PDHX: variants seen among roughly 807,000 people sequenced by gnomAD.
PDHX encodes the protein pyruvate dehydrogenase complex component X.
PDHX carries 33 observed loss-of-function variants against 55.3 expected under a neutral mutation model. The ratio of observed to expected loss-of-function variants is 0.60; its 90% confidence interval spans 0.45 to 0.80. PDHX has a LOEUF of 0.80. Among genes scored for constraint, PDHX ranks in the 30% least tolerant of loss-of-function variants. The pLI, the probability that PDHX is intolerant of heterozygous loss-of-function variation, is 0.00. For missense variants in PDHX, 622 were observed against 619.9 expected, an observed-to-expected ratio of 1.00 and a Z score of -0.04; for synonymous variants, 226 against 219.4, an observed-to-expected ratio of 1.03 and a Z score of -0.27.
chr11:34,945,208 C>T (rs17363135), intron 2 of PDHX, among the ~76,000 whole-genome samples: 32,892 of 152,110 alleles, frequency 0.22, 4,675 homozygotes, highest in Non-Finnish European at 0.33. Context: ...GTTAGCATGC[C>T]TTACCATCTA....
At chr11:34,967,659 A>G (rs1855165807) in intron 6 of PDHX, among the ~76,000 whole-genome samples, 1 of 152,082 alleles carries the variant, frequency 6.6e-6, no homozygotes, top group Admixed American at 6.6e-5. Context: ...TCTTCCTATC[A>G]GAAGAAATGT....
intron 3 of PDHX, 95 bp from the exon 4 acceptor site, chr11:34,957,289 A>G (rs755878878): frequency 2.9e-5 from 26 of 882,656 alleles, no homozygotes; most frequent in Admixed American, 1.6e-4. Context: ...TCAAATTAAG[A>G]TATCTTAAGG....
chr11:34,994,657 T>C (rs1855820869), intron 10 of PDHX, among the ~76,000 whole-genome samples: 1 of 152,234 alleles, frequency 6.6e-6, no homozygotes, highest in Non-Finnish European at 1.5e-5. Flanking sequence ...CGATATAAAA[T>C]GGATTGTTAT....
intron 5 of PDHX, among the ~76,000 whole-genome samples, chr11:34,962,254 T>C (rs1315078381): frequency 1.3e-5 from 2 of 152,174 alleles, no homozygotes; most frequent in African/African-American, 2.4e-5. Context: ...AAGTAATCCA[T>C]GTAAGAGGTA....
At chr11:34,933,124 C>G (rs563852413) in intron 2 of PDHX, among the ~76,000 whole-genome samples, 42 of 152,186 alleles carry the variant, frequency 2.8e-4, no homozygotes, top group Non-Finnish European at 4.3e-4. Flanking sequence ...AGCTGGACTT[C>G]TGAATATATC....
At chr11:34,957,119 G>A (rs1371855396) in intron 3 of PDHX, among the ~76,000 whole-genome samples, 1 of 152,158 alleles carries the variant, frequency 6.6e-6, no homozygotes, top group Non-Finnish European at 1.5e-5. Context: ...TTATTTGAAG[G>A]CTCTCAGAAA....
intron 9 of PDHX, among the ~76,000 whole-genome samples, chr11:34,986,124 G>A (rs1005803054): frequency 6.6e-6 from 1 of 152,098 alleles, no homozygotes; most frequent in African/African-American, 2.4e-5. Flanking sequence ...GGCCAACATG[G>A]CGAAACCCCA....
At chr11:34,916,582 A>G, upstream of PDHX, 2 of 1,579,868 alleles carry the variant, frequency 1.3e-6, no homozygotes, top group African/African-American at 2.7e-5. Context: ...GGGCGTGGCC[A>G]ACCATGCGGG....
chr11:34,984,600 G>T lies in PDHX; in HGVS notation c.1054G>T (p.Gly352Ter). 1 of 1,614,042 alleles carries T rather than the reference G, an allele frequency of 6.2e-7. No individual in the cohort carries two copies. Among genetic ancestry groups the T allele is most frequent in the South Asian group, 1.1e-5 (1 of 91,084 alleles). The change falls in exon 9 of 11, where the codon GGA becomes TGA. Residue 352 changes from glycine (G) to a stop codon, truncating the protein, a stop_gained. Coordinates refer to ENST00000227868, the MANE Select transcript of PDHX (RefSeq NM_003477.3). LOFTEE classifies it high-confidence loss of function. ...GCCAGATGTTAATGTAAGCTGGGAT[G>T]GAGAGGGCCCAAAGCAACTGCCATT... ...QMPDVNVSWD[G>*]EGPKQLPFID...
In PDHX at chr11:34,957,405, A is replaced by T; in HGVS notation, c.364A>T (p.Ile122Leu). The change falls in exon 4 of 11, where the codon ATA becomes TTA. Residue 122 changes from isoleucine (I) to leucine (L), a missense_variant. Physicochemically the swap from Ile to Leu is conservative, Grantham distance 5. Coordinates refer to ENST00000227868, the MANE Select transcript of PDHX (RefSeq NM_003477.3). The stretch of plus-strand genomic sequence containing the variant: ...ATAGGTTGAAGAAGGAAGTAAAAAT[A>T]TACGGCTAGGTTCACTAATTGGTTT... Reference protein sequence around the residue: ...KIVVEEGSKNIRLGSLIGLIV... With the variant: ...KIVVEEGSKNLRLGSLIGLIV... The T allele has an allele frequency of 6.2e-7, 1 of 1,610,244 alleles. No homozygotes were observed. The highest frequency in any genetic ancestry group is 8.5e-7 in the Non-Finnish European group (1 of 1,176,432).
intron 7 of PDHX, among the ~76,000 whole-genome samples, chr11:34,973,828 TA>T (rs919292999): frequency 2.0e-5 from 3 of 152,244 alleles, no homozygotes; most frequent in Admixed American, 1.3e-4. Flanking sequence ...AAATGTCTTT[TA>T]TATTTATCTG....
intron 1 of PDHX, among the ~76,000 whole-genome samples, chr11:34,928,594 A>T (rs1268452818): frequency 6.6e-6 from 1 of 152,152 alleles, no homozygotes; most frequent in Non-Finnish European, 1.5e-5. Flanking sequence ...GCCATGTAAA[A>T]AAGAAAAAGG....
intron 1 of PDHX, among the ~76,000 whole-genome samples, chr11:34,931,029 G>C (rs1168194295): frequency 6.6e-6 from 1 of 151,910 alleles, no homozygotes; most frequent in Non-Finnish European, 1.5e-5. Flanking sequence ...CTTTTTCTTT[G>C]GTCATTTTAC....
intron 1 of PDHX, among the ~76,000 whole-genome samples, chr11:34,928,782 G>A (rs1213127139): frequency 1.3e-5 from 2 of 152,182 alleles, no homozygotes; most frequent in African/African-American, 4.8e-5. Flanking sequence ...GTGTAAGAGA[G>A]TATGTGTGTA....
chr11:34,919,601 T>G (rs1853825915), intron 1 of PDHX, among the ~76,000 whole-genome samples: 1 of 152,210 alleles, frequency 6.6e-6, no homozygotes, highest in African/African-American at 2.4e-5. Context: ...CACCAAGGCT[T>G]AGAGAAATTG....
At chr11:34,984,354 A>T (rs1003714864) in intron 8 of PDHX, among the ~76,000 whole-genome samples, 2 of 152,208 alleles carry the variant, frequency 1.3e-5, no homozygotes, top group African/African-American at 2.4e-5. Context: ...GAATTTCTTC[A>T]AACTTGCTTC....
At chr11:34,923,197 T>C (rs1389260245) in intron 1 of PDHX, among the ~76,000 whole-genome samples, 1 of 56,764 alleles carries the variant, frequency 1.8e-5, no homozygotes, top group East Asian at 6.4e-4. Context: ...AGATGGGGTA[T>C]ATGGGTGATT....
chr11:34,932,480 G>A (rs1389901612), intron 2 of PDHX, among the ~76,000 whole-genome samples: 1 of 152,154 alleles, frequency 6.6e-6, no homozygotes, highest in African/African-American at 2.4e-5. Flanking sequence ...CGTAGAAAAA[G>A]ACGCCTAACC....
At chr11:34,980,924 C>G (rs538903063) in intron 8 of PDHX, among the ~76,000 whole-genome samples, 1 of 152,250 alleles carries the variant, frequency 6.6e-6, no homozygotes, top group Admixed American at 6.5e-5. Context: ...TTTTCAGCAT[C>G]ATTTTCACCT....
Sources: allele counts gnomAD v4.1 joint callset (sites outside exome capture counted in the v4.1 genomes callset), GRCh38; gene constraint gnomAD v4.1.1; transcripts MANE v1.5; gene names NCBI Gene and HGNC (gene_info 2026-07-23, HGNC 2026-07-21).